Variants in SOX5 observed in about 807,000 individuals in gnomAD.
The protein encoded by SOX5 is SRY-box transcription factor 5, also known as transcription factor SOX-5.
A neutral mutation model predicts 92.0 loss-of-function variants in SOX5; 9 were observed. That is an observed-to-expected ratio of 0.10 (90% CI 0.06 to 0.17). The LOEUF (loss-of-function observed/expected upper bound fraction) is 0.17, where lower values mean the gene tolerates loss of function less well. Among genes scored for constraint, SOX5 ranks in the 10% least tolerant of loss-of-function variants. SOX5 has a pLI of 1.00. For synonymous variants in SOX5, 344 were observed against 336.3 expected (o/e 1.02, Z -0.25); for missense variants, 642 against 944.5 (o/e 0.68, Z 4.20).
intron 1 of SOX5, among the ~76,000 whole-genome samples, chr12:24,491,833 G>A (rs1180911077): frequency 6.6e-6 from 1 of 152,140 alleles, no homozygotes; most frequent in Admixed American, 6.5e-5. Context: ...TACTGTTGTA[G>A]GAATATGCCG....
At chr12:23,804,381 T>C (rs749212308) in intron 3 of SOX5, among the ~76,000 whole-genome samples, 1 of 152,142 alleles carries the variant, frequency 6.6e-6, no homozygotes, top group Non-Finnish European at 1.5e-5. Flanking sequence ...TTATTGTTGT[T>C]AGTCAAAGGA....
At chr12:24,121,670 CA>C (rs1397662370) in intron 4 of SOX5, among the ~76,000 whole-genome samples, 2 of 145,432 alleles carry the variant, frequency 1.4e-5, no homozygotes, top group East Asian at 2.1e-4. Context: ...AGGTGGATCA[CA>C]AGGTCAGGAG....
intron 3 of SOX5, among the ~76,000 whole-genome samples, chr12:24,261,831 T>C (rs905556584): frequency 3.9e-5 from 6 of 152,226 alleles, no homozygotes; most frequent in African/African-American, 1.4e-4. Context: ...TTCCCGCTTC[T>C]ACTCCATAAC....
intron 3 of SOX5, among the ~76,000 whole-genome samples, chr12:24,259,882 G>C (rs1941835390): frequency 6.6e-6 from 1 of 152,150 alleles, no homozygotes; most frequent in African/African-American, 2.4e-5. Context: ...TTTAGTAAGG[G>C]AGAGGAACTT....
At chr12:23,799,054 C>G (rs2095615524) in intron 3 of SOX5, among the ~76,000 whole-genome samples, 1 of 151,928 alleles carries the variant, frequency 6.6e-6, no homozygotes, top group African/African-American at 2.4e-5. Context: ...GTAATACTTA[C>G]AAAAGGTCCT....
At chr12:23,590,335 T>C (rs1951356328) in intron 9 of SOX5, among the ~76,000 whole-genome samples, 1 of 152,000 alleles carries the variant, frequency 6.6e-6, no homozygotes, top group Non-Finnish European at 1.5e-5. Context: ...ACTTGTATCT[T>C]TATATTTTCA....
At chr12:24,125,679 C>T (rs1949042902) in intron 4 of SOX5, among the ~76,000 whole-genome samples, 1 of 152,126 alleles carries the variant, frequency 6.6e-6, no homozygotes, top group African/African-American at 2.4e-5. Flanking sequence ...TACACTTTAA[C>T]CTCTCCATTT....
At chr12:23,661,298 A>C (rs1400136153) in intron 7 of SOX5, among the ~76,000 whole-genome samples, 1 of 152,200 alleles carries the variant, frequency 6.6e-6, no homozygotes, top group Non-Finnish European at 1.5e-5. Context: ...TGCAGTCTCT[A>C]GTAATAAAAC....
At chr12:23,935,763 T>C (rs1942408224) in intron 1 of SOX5, among the ~76,000 whole-genome samples, 1 of 151,204 alleles carries the variant, frequency 6.6e-6, no homozygotes, top group African/African-American at 2.4e-5. Flanking sequence ...TCAATATTTA[T>C]TCAGCATTTA....
At chr12:24,277,090 A>G (rs1466567859) in intron 3 of SOX5, 23 of 152,112 alleles carry the variant, frequency 1.5e-4, no homozygotes, top group Admixed American at 1.5e-3. Context: ...ATACTTTTAT[A>G]TGCATATGTT....
intron 3 of SOX5, among the ~76,000 whole-genome samples, chr12:23,834,505 AAC>A (rs2096381949): frequency 6.6e-6 from 1 of 151,928 alleles, no homozygotes; most frequent in African/African-American, 2.4e-5. Context: ...GATTACATGA[AAC>A]AGCCCACATT....
chr12:24,114,573 CAAAAAAAAA>C (rs55913110), intron 4 of SOX5, among the ~76,000 whole-genome samples: 83 of 40,596 alleles, frequency 2.0e-3, no homozygotes, highest in African/African-American at 5.1e-3. Flanking sequence ...CACCCCGTCA[CAAAAAAAAA>C]AAAAAAAAAA....
chr12:24,228,648 C>CTG (rs1271626532), intron 3 of SOX5, among the ~76,000 whole-genome samples: 2 of 152,074 alleles, frequency 1.3e-5, no homozygotes, highest in Non-Finnish European at 2.9e-5. Flanking sequence ...CAGAAATATT[C>CTG]TGTGTGTGTG....
At chr12:24,082,822 T>C (rs1943528005) in intron 4 of SOX5, among the ~76,000 whole-genome samples, 1 of 151,972 alleles carries the variant, frequency 6.6e-6, no homozygotes, top group Non-Finnish European at 1.5e-5. Context: ...GGTGTCCTCT[T>C]ACTATTAATA....
At chr12:23,679,386 C>T (rs748904981) in intron 6 of SOX5, among the ~76,000 whole-genome samples, 5 of 152,002 alleles carry the variant, frequency 3.3e-5, no homozygotes, top group East Asian at 3.9e-4. Flanking sequence ...ATACCACTGA[C>T]GCTGCTGCTG....
chr12:24,357,126 GATTAC>G (rs1954931483), intron 2 of SOX5, among the ~76,000 whole-genome samples: 1 of 152,168 alleles, frequency 6.6e-6, no homozygotes, highest in Admixed American at 6.5e-5. Flanking sequence ...GTTTGGTGTG[GATTAC>G]ATTTTGAGAG....
chr12:24,410,907 A>G (rs1356033496), intron 1 of SOX5, among the ~76,000 whole-genome samples: 2 of 152,180 alleles, frequency 1.3e-5, no homozygotes, highest in East Asian at 1.9e-4. Flanking sequence ...TTTGAGGAGA[A>G]CTGCCATCTT....
intron 2 of SOX5, among the ~76,000 whole-genome samples, chr12:24,327,440 A>G (rs1439886083): frequency 5.8e-4 from 41 of 70,622 alleles, no homozygotes; most frequent in South Asian, 1.9e-3. Flanking sequence ...TTTGAGATGG[A>G]GTTTTGCTCT....
At chr12:24,407,522 G>A (rs974446578) in intron 1 of SOX5, 1 of 152,204 alleles carries the variant, frequency 6.6e-6, no homozygotes, top group Admixed American at 6.5e-5. Context: ...AACTTCTGAG[G>A]ATCCTCCTGA....
Sources: gnomAD v4.1 joint callset for allele counts (sites outside exome capture counted in the v4.1 genomes callset) on GRCh38, gnomAD v4.1.1 for gene constraint, MANE v1.5 for transcripts, NCBI Gene and HGNC (gene_info 2026-07-23, HGNC 2026-07-21) for gene names.